The following P2RX3 variants were observed in gnomAD, a reference collection of about 807,000 sequenced individuals.
P2RX3 encodes P2X purinoceptor 3.
P2RX3 carries 41 observed loss-of-function variants against 51.5 expected under a neutral mutation model. The observed-to-expected ratio is 0.80, with a 90% confidence interval of 0.62 to 1.03. P2RX3 has a LOEUF of 1.03. Among genes scored for constraint, P2RX3 ranks in the 50% least tolerant of loss-of-function variants. P2RX3 has a pLI of 0.00. For synonymous variants in P2RX3, 185 were observed against 191.6 expected (o/e 0.97, Z 0.29); for missense variants, 459 against 522.1 (o/e 0.88, Z 1.18).
At chr11:57,350,656 G>A in intron 7 of P2RX3, 106 bp from the exon 8 acceptor site, 1 of 1,456,356 alleles carries the variant, frequency 6.9e-7, no homozygotes, top group Non-Finnish European at 9.4e-7. Flanking sequence ...CCCACCTGGA[G>A]GATGGGAGGA....
chr11:57,344,782 C>A (rs1163570538), intron 1 of P2RX3, among the ~76,000 whole-genome samples: 1 of 152,002 alleles, frequency 6.6e-6, no homozygotes, highest in Non-Finnish European at 1.5e-5. Flanking sequence ...AAAGGAAGAC[C>A]CATGATGGGG....
intron 11 of P2RX3, 93 bp from the exon 12 acceptor site, chr11:57,369,791 A>T (rs370724697): frequency 6.8e-6 from 6 of 880,590 alleles, no homozygotes. Flanking sequence ...TGACTAGGTC[A>T]TGGGCGCCCA....
At chr11:57,344,319 T>C (rs1036294349) in intron 1 of P2RX3, among the ~76,000 whole-genome samples, 1 of 152,232 alleles carries the variant, frequency 6.6e-6, no homozygotes, top group African/African-American at 2.4e-5. Flanking sequence ...AATATGATCA[T>C]TAGCATGACA....
At chr11:57,348,829 C>A in intron 6 of P2RX3, 125 bp downstream of exon 6, 1 of 656,676 alleles carries the variant, frequency 1.5e-6, no homozygotes, top group Non-Finnish European at 2.6e-6. Context: ...TGACCCATCT[C>A]CCTGGGCCTA....
chr11:57,346,737 G>T, intron 2 of P2RX3, 58 bp downstream of exon 2: 4 of 1,590,632 alleles, frequency 2.5e-6, no homozygotes, highest in Non-Finnish European at 2.6e-6. Context: ...CAGGTTGGAA[G>T]GGAGAAAGCG....
chr11:57,342,256 T>C (rs1248890033), intron 1 of P2RX3, among the ~76,000 whole-genome samples: 1 of 149,630 alleles, frequency 6.7e-6, no homozygotes, highest in Non-Finnish European at 1.5e-5. Context: ...GCCTCCTGGG[T>C]TGAAGCGACT....
chr11:57,337,350 G>GAAAAAAAAA (rs11339711), upstream of P2RX3, among the ~76,000 whole-genome samples: 30 of 73,412 alleles, frequency 4.1e-4, no homozygotes, highest in South Asian at 5.1e-4. Context: ...AGGAAAGAAA[G>GAAAAAAAAA]AAAAAAAAAA....
intron 1 of P2RX3, among the ~76,000 whole-genome samples, chr11:57,344,193 C>T (rs540030187): frequency 2.1e-4 from 32 of 152,288 alleles, no homozygotes; most frequent in African/African-American, 6.7e-4. Context: ...AAGCAGGTAA[C>T]GGGTTTGAAG....
At chr11:57,365,978 T>C (rs1381975254) in intron 8 of P2RX3, among the ~76,000 whole-genome samples, 3 of 152,192 alleles carry the variant, frequency 2.0e-5, no homozygotes, top group South Asian at 2.1e-4. Context: ...CTCAGGCCCC[T>C]GGTGGGAGAG....
At chr11:57,337,255 G>A (rs1177746525), upstream of P2RX3, among the ~76,000 whole-genome samples, 1 of 134,480 alleles carries the variant, frequency 7.4e-6, no homozygotes, top group African/African-American at 2.9e-5. Flanking sequence ...TTGTGCCACT[G>A]CACTCCAGCC....
chr11:57,348,792 C>T (rs1207229522), intron 6 of P2RX3, 88 bp downstream of exon 6: 3 of 913,398 alleles, frequency 3.3e-6, no homozygotes, highest in Non-Finnish European at 5.2e-6. Context: ...TGCCCCCTCG[C>T]CACAGTTCTT....
At chr11:57,352,230 A>G (rs1856560367) in intron 8 of P2RX3, among the ~76,000 whole-genome samples, 1 of 152,178 alleles carries the variant, frequency 6.6e-6, no homozygotes, top group Admixed American at 6.5e-5. Flanking sequence ...CACCCCATTA[A>G]GCTTTATATT....
chr11:57,350,168 A>C (rs1053220350), intron 7 of P2RX3, among the ~76,000 whole-genome samples: 68 of 151,918 alleles, frequency 4.5e-4, no homozygotes, highest in African/African-American at 1.6e-3. Flanking sequence ...CAAAGGCCTT[A>C]GATCTGTAAT....
chr11:57,339,323 G>A (rs922815733), intron 1 of P2RX3, among the ~76,000 whole-genome samples: 5 of 152,136 alleles, frequency 3.3e-5, no homozygotes, highest in Non-Finnish European at 5.9e-5. Context: ...AGGGAAGAGT[G>A]GCCAAGGAGA....
chr11:57,347,405 C>A lies in P2RX3; in HGVS notation c.328-10C>A. On this transcript the variant is annotated splice_polypyrimidine_tract_variant and intron_variant, in intron 3 of 11. Transcript: ENST00000263314. ...TGTCCTTCACCAACCTGTGACCCGT[C>A]TGCCCACAGAGTGAGGAGAAATACC... The A allele has an allele frequency of 6.4e-7, 1 of 1,557,740 alleles. No homozygotes were observed. The highest frequency in any genetic ancestry group is 8.7e-7 in the Non-Finnish European group (1 of 1,150,180).
At chr11:57,366,260 TC>T (rs1856795322) in intron 8 of P2RX3, among the ~76,000 whole-genome samples, 1 of 152,142 alleles carries the variant, frequency 6.6e-6, no homozygotes, top group South Asian at 2.1e-4. Flanking sequence ...GCGATTTGAA[TC>T]CCAAATCCAG....
At chr11:57,348,407 G>A (rs1856482311) in intron 5 of P2RX3, 144 bp downstream of exon 5, 13 of 831,870 alleles carry the variant, frequency 1.6e-5, no homozygotes, top group Non-Finnish European at 2.2e-5. Flanking sequence ...GTGGCCTCAG[G>A]CCCAGGGTAT....
At chr11:57,359,145 T>A (rs2134437151) in intron 8 of P2RX3, among the ~76,000 whole-genome samples, 1 of 152,208 alleles carries the variant, frequency 6.6e-6, no homozygotes, top group Non-Finnish European at 1.5e-5. Flanking sequence ...GCGGGAGGAA[T>A]GGGAGCCTGG....
intron 1 of P2RX3, among the ~76,000 whole-genome samples, chr11:57,342,504 A>G (rs1565061266): frequency 6.6e-6 from 1 of 151,282 alleles, no homozygotes; most frequent in African/African-American, 2.4e-5. Context: ...GAGAGGAGTG[A>G]CTCTCATTCC....
Sources: gnomAD v4.1 joint callset for allele counts (sites outside exome capture counted in the v4.1 genomes callset) on GRCh38, gnomAD v4.1.1 for gene constraint, MANE v1.5 for transcripts, NCBI Gene and HGNC (gene_info 2026-07-23, HGNC 2026-07-21) for gene names.